RARA: variants seen among roughly 807,000 people sequenced by gnomAD.
The protein encoded by RARA is retinoic acid receptor alpha.
A neutral mutation model predicts 42.8 loss-of-function variants in RARA; 5 were observed. That is an observed-to-expected ratio of 0.12 (90% CI 0.06 to 0.25). The LOEUF is 0.25. Ranked by LOEUF, RARA falls within the 10% of genes least tolerant of loss-of-function variation. The pLI is 1.00. For synonymous variants in RARA, 256 were observed against 259.5 expected (o/e 0.99, Z 0.13); for missense variants, 402 against 628.7 (o/e 0.64, Z 3.86).
intron 1 of RARA, among the ~76,000 whole-genome samples, chr17:40,329,363 A>G (rs1451313992): frequency 6.6e-6 from 1 of 151,630 alleles, no homozygotes; most frequent in Non-Finnish European, 1.5e-5. Context: ...CTGGAGTGCA[A>G]TGGTGTGATC....
chr17:40,341,748 C>G (rs1419633725), intron 2 of RARA: 2 of 1,293,238 alleles, frequency 1.5e-6, no homozygotes, highest in African/African-American at 3.1e-5. Context: ...CCACCCCCCT[C>G]TTCCCCGCCC....
At chr17:40,341,372 C>A in intron 2 of RARA, 1 of 1,447,556 alleles carries the variant, frequency 6.9e-7, no homozygotes, top group Admixed American at 2.6e-5. Flanking sequence ...CGTCGGGTTC[C>A]GGCGGCCGGA....
intron 4 of RARA, chr17:40,350,230 T>C: frequency 2.8e-6 from 1 of 358,864 alleles, no homozygotes; most frequent in South Asian, 2.9e-5. Context: ...CAGGATGGCT[T>C]TCTTCCAGGC....
chr17:40,342,151 T>TGGGGGGGGCCCTGGGGGGGGGG, intron 2 of RARA: 1 of 347,892 alleles, frequency 2.9e-6, no homozygotes, highest in Non-Finnish European at 3.7e-6. Flanking sequence ...AGAGCTGGGG[T>TGGGGGGGGCCCTGGGGGGGGGG]GGGGGGGCCG....
intron 2 of RARA, chr17:40,341,645 G>C (rs1393892436): frequency 7.5e-7 from 1 of 1,342,248 alleles, no homozygotes; most frequent in African/African-American, 1.5e-5. Context: ...GTGAGGCGCC[G>C]CCAGGCGAGT....
intron 1 of RARA, among the ~76,000 whole-genome samples, chr17:40,322,629 C>T (rs528029656): frequency 1.4e-4 from 22 of 152,212 alleles, no homozygotes; most frequent in Admixed American, 7.8e-4. Flanking sequence ...TGTCCCTCGC[C>T]CTACAGTGAA....
At chr17:40,332,144 G>T (rs1048097318) in intron 2 of RARA, among the ~76,000 whole-genome samples, 1 of 152,190 alleles carries the variant, frequency 6.6e-6, no homozygotes, top group African/African-American at 2.4e-5. Flanking sequence ...GTAGTGGGAG[G>T]TGGCGGCAGC....
chr17:40,356,786 T>C lies in RARA; in HGVS notation c.*560T>C. ...TTGATTTTTTTAATAAGAATTTTCA[T>C]TTTAAGCACATTTATACTGAAGGAA... On this transcript the variant is annotated 3_prime_UTR_variant, in exon 9 of 9. Coordinates refer to ENST00000254066, the MANE Select transcript of RARA (RefSeq NM_000964.4). The C allele has an allele frequency of 2.0e-6, 1 of 503,704 alleles. No individual in the cohort carries two copies. 31.2% of individuals were successfully genotyped at this position (503,704 alleles called of 1,614,324 possible).
At chr17:40,317,228 A>G (rs2033233189) in intron 1 of RARA, among the ~76,000 whole-genome samples, 1 of 152,126 alleles carries the variant, frequency 6.6e-6, no homozygotes, top group Non-Finnish European at 1.5e-5. Context: ...TCCAGTGGGA[A>G]GTTCTGTGGG....
chr17:40,337,234 A>T (rs1159325539), intron 2 of RARA, among the ~76,000 whole-genome samples: 1 of 152,196 alleles, frequency 6.6e-6, no homozygotes, highest in Non-Finnish European at 1.5e-5. Flanking sequence ...CTACATAGGC[A>T]GCTTTGAGAG....
rs543472597 is a variant in RARA at position 40,343,038 on chromosome 17, C to T, written c.179-5278C>T. ...TTGAACCCTCCCGGCCGCACCCTCC[C>T]CCCAGTAACCCTAAGTGCAATTTGT... On this transcript the variant is annotated intron_variant, in intron 2 of 8. Coordinates refer to ENST00000254066, the MANE Select transcript of RARA (RefSeq NM_000964.4). The T allele has an allele frequency of 1.3e-5, 17 of 1,330,100 alleles. No homozygotes were observed. In the South Asian group the frequency reaches 2.9e-4, roughly 23 times the overall value. The allele number at this position is 1,330,100 out of a possible 1,614,324, so 82.4% of individuals were successfully genotyped here.
At chr17:40,315,165 T>TACACACACAC (rs1567743130) in intron 1 of RARA, among the ~76,000 whole-genome samples, 9 of 121,442 alleles carry the variant, frequency 7.4e-5, no homozygotes, top group African/African-American at 3.2e-4. Context: ...TATATATATA[T>TACACACACAC]ATATATACAC....
chr17:40,341,777 G>A (rs1211113727), intron 2 of RARA: 2 of 1,285,190 alleles, frequency 1.6e-6, no homozygotes, highest in Non-Finnish European at 2.0e-6. Context: ...CCTCCACCAC[G>A]GCTTCGCTCG....
intron 2 of RARA, chr17:40,348,057 G>T: frequency 2.6e-6 from 1 of 382,832 alleles, no homozygotes; most frequent in Non-Finnish European, 4.7e-6. Flanking sequence ...ATACAAATGT[G>T]ATGGTTTATC....
intron 3 of RARA, 74 bp downstream of exon 3, chr17:40,348,538 G>A: frequency 1.3e-6 from 2 of 1,511,386 alleles, no homozygotes; most frequent in Non-Finnish European, 8.9e-7. Flanking sequence ...TGTCCTGGGA[G>A]TGTGCAGTTG....
chr17:40,341,610 G>C, intron 2 of RARA: 1 of 1,356,446 alleles, frequency 7.4e-7, no homozygotes, highest in Non-Finnish European at 9.5e-7. Context: ...GATGTCACGG[G>C]CAGCGGTGGG....
chr17:40,336,805 C>T (rs1005386147), intron 2 of RARA, among the ~76,000 whole-genome samples: 2 of 152,142 alleles, frequency 1.3e-5, no homozygotes, highest in African/African-American at 2.4e-5. Context: ...AAGCGATTCT[C>T]CTGCCTCAGC....
At chr17:40,319,825 G>C (rs577107780) in intron 1 of RARA, among the ~76,000 whole-genome samples, 75 of 152,202 alleles carry the variant, frequency 4.9e-4, no homozygotes, top group Non-Finnish European at 9.7e-4. Flanking sequence ...GAGGGGGCCG[G>C]GGGGGGCGGG....
At chr17:40,343,501 C>T (rs1344318826) in intron 2 of RARA, among the ~76,000 whole-genome samples, 1 of 152,180 alleles carries the variant, frequency 6.6e-6, no homozygotes, top group Non-Finnish European at 1.5e-5. Context: ...GGGTTGTTGT[C>T]CTGGCCCCAG....
Sources: allele counts gnomAD v4.1 joint callset (sites outside exome capture counted in the v4.1 genomes callset), GRCh38; gene constraint gnomAD v4.1.1; transcripts MANE v1.5; gene names NCBI Gene and HGNC (gene_info 2026-07-23, HGNC 2026-07-21).